The following NIPAL3 variants were observed in gnomAD, a reference collection of about 807,000 sequenced individuals.
The protein encoded by NIPAL3 is NIPA like domain containing 3, also known as NIPA-like protein 3.
In NIPAL3, 41 loss-of-function variants were observed where a neutral mutation model predicts 47.2. The observed-to-expected ratio is 0.87, with a 90% CI of 0.68 to 1.13. The LOEUF is 1.13. Ranked by LOEUF, NIPAL3 falls within the 50% of genes most tolerant of loss-of-function variation. The pLI, the probability that NIPAL3 is intolerant of heterozygous loss-of-function variation, is 0.00. For synonymous variants in NIPAL3, 194 were observed against 209.6 expected (o/e 0.93, Z 0.64); for missense variants, 449 against 530.1 (o/e 0.85, Z 1.50).
At chr1:24,453,605 T>C (rs577062590) in intron 7 of NIPAL3, 101 bp downstream of exon 7, 136 of 910,598 alleles carry the variant, frequency 1.5e-4, no homozygotes, top group Non-Finnish European at 2.1e-4. Context: ...GCACAGAAGT[T>C]GCTTGAGACT....
intron 2 of NIPAL3, 24 bp from the exon 3 acceptor site, chr1:24,440,148 C>A (rs1408632283): frequency 1.3e-6 from 2 of 1,540,128 alleles, no homozygotes; most frequent in Admixed American, 4.1e-5. Flanking sequence ...AAATCATGTC[C>A]ACTCCTGTGA....
chr1:24,417,509 G>T (rs1194045185), intron 1 of NIPAL3, among the ~76,000 whole-genome samples: 1 of 152,180 alleles, frequency 6.6e-6, no homozygotes, highest in Admixed American at 6.5e-5. Flanking sequence ...CCACAAGATT[G>T]CAAACACATA....
intron 2 of NIPAL3, among the ~76,000 whole-genome samples, chr1:24,423,436 C>G (rs978482216): frequency 6.6e-6 from 1 of 152,068 alleles, no homozygotes; most frequent in Non-Finnish European, 1.5e-5. Context: ...GTCAGGAGAT[C>G]GAGACCACGG....
chr1:24,421,843 G>A (rs1644347812), intron 2 of NIPAL3: 1 of 152,210 alleles, frequency 6.6e-6, no homozygotes, highest in South Asian at 2.1e-4. Flanking sequence ...GAGAAGTTCA[G>A]TAATGGCCCT....
chr1:24,424,008 T>C (rs187300514), intron 2 of NIPAL3, among the ~76,000 whole-genome samples: 192 of 152,296 alleles, frequency 1.3e-3, no homozygotes, highest in African/African-American at 4.5e-3. Context: ...TGGACAAATA[T>C]AAGAATCTAA....
chr1:24,446,643 C>T (rs909821572), intron 5 of NIPAL3, among the ~76,000 whole-genome samples: 6 of 152,126 alleles, frequency 3.9e-5, no homozygotes, highest in Non-Finnish European at 7.3e-5. Flanking sequence ...ATGGTGTATA[C>T]GTACCACATT....
chr1:24,437,751 GCTTGGGTCACA>G (rs1645188967), intron 2 of NIPAL3, among the ~76,000 whole-genome samples: 1 of 152,188 alleles, frequency 6.6e-6, no homozygotes, highest in Admixed American at 6.5e-5. Context: ...GGGCTGCCTG[GCTTGGGTCACA>G]CTTGGGCCGT....
intron 2 of NIPAL3, among the ~76,000 whole-genome samples, chr1:24,439,705 A>C (rs1402344310): frequency 1.3e-5 from 2 of 152,234 alleles, no homozygotes; most frequent in Non-Finnish European, 2.9e-5. Context: ...GATGTAAATT[A>C]ACTTTTTATA....
chr1:24,448,782 A>G (rs1645792737), intron 5 of NIPAL3, among the ~76,000 whole-genome samples: 1 of 152,174 alleles, frequency 6.6e-6, no homozygotes, highest in Admixed American at 6.6e-5. Context: ...CACATATCCT[A>G]TGGAGGAATT....
In NIPAL3 at chr1:24,471,715, C is replaced by T. The variant is rs1242123042; in HGVS notation, c.*2530C>T. 1 of 152,076 alleles carries T rather than the reference C, an allele frequency of 6.6e-6. No individual in the cohort carries two copies. The highest frequency in any genetic ancestry group is 6.6e-5 in the Admixed American group (1 of 15,244). 9.4% of individuals were successfully genotyped at this position (152,076 alleles called of 1,614,324 possible). A position where few individuals can be genotyped will look rare whatever the true frequency, so the allele number is the denominator to read the frequency against. Reference sequence around the variant, plus strand: ...TTCATGAGGAAGAGAAGGGCAGGACCAGCACTGATTGAAAAGGAGGGCTTG... The same window carrying T: ...TTCATGAGGAAGAGAAGGGCAGGACTAGCACTGATTGAAAAGGAGGGCTTG... On this transcript the variant is annotated 3_prime_UTR_variant, in exon 12 of 12. Coordinates refer to ENST00000374399, the MANE Select transcript of NIPAL3 (RefSeq NM_020448.5).
intron 2 of NIPAL3, 23 bp from the exon 3 acceptor site, chr1:24,440,149 A>G: frequency 1.3e-6 from 2 of 1,538,616 alleles, no homozygotes; most frequent in South Asian, 2.5e-5. Flanking sequence ...AATCATGTCC[A>G]CTCCTGTGAA....
At chr1:24,413,698 C>G (rs756389389), upstream of NIPAL3, 1 of 152,304 alleles carries the variant, frequency 6.6e-6, no homozygotes, top group Non-Finnish European at 1.5e-5. Flanking sequence ...GCAGCTGAAT[C>G]TGGCCAGCCC....
rs1646941864 is a variant in NIPAL3 at position 24,472,629 on chromosome 1, T to C, written c.*3444T>C. Reference sequence around the variant, plus strand: ...GTTTTTGCAGTGTGGAGTTGAACGCTGGGTAAAGAAGGGAGAGCTGACTCT... The same window carrying C: ...GTTTTTGCAGTGTGGAGTTGAACGCCGGGTAAAGAAGGGAGAGCTGACTCT... On this transcript the variant is annotated 3_prime_UTR_variant, in exon 12 of 12. Transcript: ENST00000374399. 6.6e-6 allele frequency: 1 copy of C among 152,134 alleles called. No individual in the cohort carries two copies. Among genetic ancestry groups the C allele is most frequent in the Admixed American group, 6.6e-5 (1 of 15,266 alleles). 9.4% of individuals were successfully genotyped at this position (152,134 alleles called of 1,614,324 possible).
chr1:24,425,809 C>G (rs544059814), intron 2 of NIPAL3, among the ~76,000 whole-genome samples: 1 of 152,094 alleles, frequency 6.6e-6, no homozygotes, highest in Non-Finnish European at 1.5e-5. Flanking sequence ...ATAAGCAAAC[C>G]GAAGCTGCCT....
At chr1:24,442,542 G>C (rs1645447310) in intron 4 of NIPAL3, among the ~76,000 whole-genome samples, 3 of 152,208 alleles carry the variant, frequency 2.0e-5, no homozygotes, top group Non-Finnish European at 4.4e-5. Flanking sequence ...TATGAACTGG[G>C]CTGTCTGGCT....
At chr1:24,467,367 G>A (rs1557541130) in intron 11 of NIPAL3, among the ~76,000 whole-genome samples, 1 of 152,182 alleles carries the variant, frequency 6.6e-6, no homozygotes, top group Non-Finnish European at 1.5e-5. Context: ...CTACTCGGGA[G>A]GCTCAGGCAG....
At chr1:24,461,581 C>G (rs1646473749) in intron 10 of NIPAL3, among the ~76,000 whole-genome samples, 1 of 151,104 alleles carries the variant, frequency 6.6e-6, no homozygotes, top group Non-Finnish European at 1.5e-5. Context: ...AAAAATTTGG[C>G]CTTGGCCGGG....
chr1:24,434,649 C>CACATGA (rs1434431607), intron 2 of NIPAL3, among the ~76,000 whole-genome samples: 1 of 152,084 alleles, frequency 6.6e-6, no homozygotes, highest in Non-Finnish European at 1.5e-5. Flanking sequence ...TTCTTAAGTG[C>CACATGA]ACATGAACAT....
At chr1:24,428,215 C>T (rs1318250175) in intron 2 of NIPAL3, among the ~76,000 whole-genome samples, 1 of 148,000 alleles carries the variant, frequency 6.8e-6, no homozygotes, top group Non-Finnish European at 1.5e-5. Context: ...ATTCCAGCCT[C>T]ATTCCAGCCT....
Sources: allele counts gnomAD v4.1 joint callset (sites outside exome capture counted in the v4.1 genomes callset), GRCh38; gene constraint gnomAD v4.1.1; transcripts MANE v1.5; gene names NCBI Gene and HGNC (gene_info 2026-07-23, HGNC 2026-07-21).